The following CCSER1 variants were observed in gnomAD, a reference collection of about 807,000 sequenced individuals.
CCSER1 encodes coiled-coil serine rich protein 1, also known as serine-rich coiled-coil domain-containing protein 1.
Under a neutral mutation model 82.0 loss-of-function variants are expected in CCSER1, and 41 were observed. The observed-to-expected ratio is 0.50, with a 90% confidence interval of 0.39 to 0.65. CCSER1 has a LOEUF of 0.65. Ranked by LOEUF, CCSER1 falls within the 30% of genes least tolerant of loss-of-function variation. The probability of loss-of-function intolerance (pLI) is 0.00; values close to 1 mark genes in which losing one functional copy is unlikely to be tolerated. For missense variants in CCSER1, 1,119 were observed against 1,064.2 expected (o/e 1.05, Z -0.72); for synonymous variants, 414 against 383.9 (o/e 1.08, Z -0.92).
At chr4:90,839,069 G>A (rs1762227294) in intron 8 of CCSER1, 1 of 1,593,004 alleles carries the variant, frequency 6.3e-7, no homozygotes, top group African/African-American at 1.3e-5. Flanking sequence ...CGAGGCGCGC[G>A]AGTACGAGCG....
intron 10 of CCSER1, among the ~76,000 whole-genome samples, chr4:91,296,469 A>ATT (rs1560573053): frequency 1.5e-5 from 2 of 132,914 alleles, no homozygotes; most frequent in African/African-American, 6.0e-5. Context: ...ATATATATGT[A>ATT]TATATATATA....
chr4:90,462,641 C>A (rs772370999), intron 4 of CCSER1, among the ~76,000 whole-genome samples: 6 of 152,134 alleles, frequency 3.9e-5, no homozygotes, highest in Non-Finnish European at 8.8e-5. Context: ...GAGGCTGAGG[C>A]AGGCGGATCG....
At chr4:90,915,967 G>T (rs1727322318) in intron 8 of CCSER1, among the ~76,000 whole-genome samples, 1 of 152,076 alleles carries the variant, frequency 6.6e-6, no homozygotes, top group South Asian at 2.1e-4. Context: ...GGGGTGTGAA[G>T]GACCTCTTCA....
chr4:90,877,491 C>G (rs973587871), intron 8 of CCSER1, among the ~76,000 whole-genome samples: 3 of 152,066 alleles, frequency 2.0e-5, no homozygotes, highest in African/African-American at 7.2e-5. Context: ...CCTAACTTTA[C>G]ATTCAGTATT....
chr4:90,923,787 A>G (rs1728715541), intron 9 of CCSER1, among the ~76,000 whole-genome samples: 1 of 152,228 alleles, frequency 6.6e-6, no homozygotes, highest in South Asian at 2.1e-4. Flanking sequence ...AGTTTAATAA[A>G]GTTACTATGT....
chr4:90,620,208 T>G (rs1579519248), intron 5 of CCSER1, among the ~76,000 whole-genome samples: 1 of 152,152 alleles, frequency 6.6e-6, no homozygotes, highest in South Asian at 2.1e-4. Context: ...TATTTCACTA[T>G]TCTAGCTTCA....
At chr4:90,295,656 A>G (rs1376672780) in intron 1 of CCSER1, among the ~76,000 whole-genome samples, 1 of 151,712 alleles carries the variant, frequency 6.6e-6, no homozygotes, top group Non-Finnish European at 1.5e-5. Context: ...TCTTTTTCTT[A>G]TTGATTTATA....
chr4:91,156,260 TAAATG>T (rs2148965547), intron 10 of CCSER1, among the ~76,000 whole-genome samples: 1 of 151,890 alleles, frequency 6.6e-6, no homozygotes, highest in South Asian at 2.1e-4. Context: ...TAACAAATAA[TAAATG>T]AAATAATCCT....
chr4:91,280,530 G>A (rs770205859), intron 10 of CCSER1, among the ~76,000 whole-genome samples: 6 of 152,168 alleles, frequency 3.9e-5, no homozygotes, highest in Non-Finnish European at 8.8e-5. Context: ...GAGAGAGGTG[G>A]ATAGGACAGG....
intron 10 of CCSER1, among the ~76,000 whole-genome samples, chr4:91,132,693 A>T (rs931383724): frequency 6.6e-6 from 1 of 152,232 alleles, no homozygotes; most frequent in Admixed American, 6.5e-5. Flanking sequence ...CTAGATTTGG[A>T]TGCTTATTTT....
intron 9 of CCSER1, among the ~76,000 whole-genome samples, chr4:90,926,436 T>C (rs1729072511): frequency 6.6e-6 from 1 of 152,046 alleles, no homozygotes; most frequent in Non-Finnish European, 1.5e-5. Flanking sequence ...ATCATTAATA[T>C]AATTTCCTTG....
intron 9 of CCSER1, among the ~76,000 whole-genome samples, chr4:90,924,331 T>G (rs1728780395): frequency 6.6e-6 from 1 of 152,154 alleles, no homozygotes; most frequent in African/African-American, 2.4e-5. Flanking sequence ...ACTTGGATGC[T>G]ACTTTTGTGT....
intron 10 of CCSER1, among the ~76,000 whole-genome samples, chr4:91,265,827 GT>G (rs1032520358): frequency 6.6e-6 from 1 of 152,176 alleles, no homozygotes; most frequent in Non-Finnish European, 1.5e-5. Context: ...CAAAGAAAGT[GT>G]TTTAGTGCAT....
In CCSER1 at chr4:90,974,430, A is replaced by G. The variant is rs550790376; in HGVS notation, c.2172+50983A>G. Among the ~76,000 whole-genome samples the G allele has an allele frequency of 3.3e-5, 5 of 151,446 alleles. No individual in the cohort carries two copies. The East Asian group carries it at 9.7e-4, about 29-fold the overall frequency. ...TTTTTATTTTTTCAATTACAACTCA[A>G]TAAAGCTGGGAGAATTGTGCTTGAA... On this transcript the variant is annotated intron_variant, in intron 9 of 10. Coordinates refer to ENST00000509176, the MANE Select transcript of CCSER1 (RefSeq NM_001145065.2).
intron 10 of CCSER1, among the ~76,000 whole-genome samples, chr4:91,116,378 G>T (rs1468405327): frequency 6.6e-6 from 1 of 152,142 alleles, no homozygotes; most frequent in Admixed American, 6.5e-5. Context: ...TTTAGTAAAA[G>T]AGTAACAGGA....
chr4:91,542,991 T>A (rs999157986), intron 10 of CCSER1, among the ~76,000 whole-genome samples: 1 of 152,224 alleles, frequency 6.6e-6, no homozygotes, highest in African/African-American at 2.4e-5. Context: ...GCTCCTGTAT[T>A]GGATGCATAT....
intron 4 of CCSER1, among the ~76,000 whole-genome samples, chr4:90,438,626 A>G (rs1357613012): frequency 6.6e-6 from 1 of 152,192 alleles, no homozygotes; most frequent in Non-Finnish European, 1.5e-5. Context: ...TTACTGACAT[A>G]ATCATAAAGT....
chr4:90,611,447 A>G (rs909477896), intron 5 of CCSER1, among the ~76,000 whole-genome samples: 1 of 151,978 alleles, frequency 6.6e-6, no homozygotes, highest in Non-Finnish European at 1.5e-5. Flanking sequence ...GATCAGTTGG[A>G]TTTATTCAAA....
chr4:90,386,404 C>G (rs1750058611), intron 3 of CCSER1, among the ~76,000 whole-genome samples: 1 of 152,006 alleles, frequency 6.6e-6, no homozygotes, highest in South Asian at 2.1e-4. Flanking sequence ...GGGAAGAGGA[C>G]ACCCTATTCA....
Sources: gnomAD v4.1 joint callset for allele counts (sites outside exome capture counted in the v4.1 genomes callset) on GRCh38, gnomAD v4.1.1 for gene constraint, MANE v1.5 for transcripts, NCBI Gene and HGNC (gene_info 2026-07-23, HGNC 2026-07-21) for gene names.